Variants in NREP observed in about 807,000 individuals in gnomAD.
NREP encodes the protein neuronal regeneration related protein.
NREP carries 5 observed loss-of-function variants against 8.6 expected under a neutral mutation model. That is an observed-to-expected ratio of 0.58 (90% CI 0.30 to 1.22). The LOEUF (loss-of-function observed/expected upper bound fraction) is 1.22, where lower values mean the gene tolerates loss of function less well. Among genes scored for constraint, NREP ranks in the 50% most tolerant of loss-of-function variants. The pLI, the probability that NREP is intolerant of heterozygous loss-of-function variation, is 0.07. For synonymous variants in NREP, 27 were observed against 28.0 expected (o/e 0.96, Z 0.11); for missense variants, 86 against 82.5 (o/e 1.04, Z -0.17).
At chr5:111,961,888 A>G (rs571180985) in intron 2 of NREP, among the ~76,000 whole-genome samples, 52 of 152,246 alleles carry the variant, frequency 3.4e-4, no homozygotes, top group Non-Finnish European at 6.5e-4. Context: ...TTTTGAAATC[A>G]TGTAGAATTA....
chr5:111,793,865 C>T (rs770572035), intron 2 of NREP, among the ~76,000 whole-genome samples: 4 of 151,996 alleles, frequency 2.6e-5, no homozygotes, highest in East Asian at 1.9e-4. Flanking sequence ...TCAGGACTAG[C>T]GTGAGTAACA....
intron 2 of NREP, among the ~76,000 whole-genome samples, chr5:111,916,567 T>C (rs1414030419): frequency 6.6e-6 from 1 of 152,158 alleles, no homozygotes; most frequent in Non-Finnish European, 1.5e-5. Flanking sequence ...CCATGGGCCT[T>C]TGCGTGGTGA....
intron 2 of NREP, among the ~76,000 whole-genome samples, chr5:111,859,292 T>C (rs1753494031): frequency 6.6e-6 from 1 of 152,196 alleles, no homozygotes; most frequent in South Asian, 2.1e-4. Flanking sequence ...GAAGTAGTTA[T>C]TAGTTGTAGC....
At chr5:111,888,508 G>T (rs1581194146) in intron 2 of NREP, among the ~76,000 whole-genome samples, 1 of 152,058 alleles carries the variant, frequency 6.6e-6, no homozygotes, top group Admixed American at 6.6e-5. Flanking sequence ...AACATCATGG[G>T]GGAAACTGCC....
intron 2 of NREP, among the ~76,000 whole-genome samples, chr5:111,790,273 T>C (rs1292603295): frequency 2.7e-5 from 4 of 147,462 alleles, no homozygotes; most frequent in Non-Finnish European, 6.0e-5. Flanking sequence ...AGAACTCCCA[T>C]ACCCTACTGG....
chr5:111,926,595 C>A (rs76137198), intron 2 of NREP, among the ~76,000 whole-genome samples: 1 of 152,108 alleles, frequency 6.6e-6, no homozygotes, highest in African/African-American at 2.4e-5. Flanking sequence ...CCCCCTTGTG[C>A]AAAATAATGT....
intron 2 of NREP, among the ~76,000 whole-genome samples, chr5:111,879,309 A>G (rs1393999110): frequency 1.3e-5 from 2 of 152,242 alleles, no homozygotes; most frequent in Non-Finnish European, 2.9e-5. Flanking sequence ...TATAGCAACA[A>G]AAATGGACGA....
intron 2 of NREP, among the ~76,000 whole-genome samples, chr5:111,857,369 A>G (rs1330980537): frequency 1.3e-5 from 2 of 152,236 alleles, no homozygotes; most frequent in African/African-American, 4.8e-5. Flanking sequence ...CCAAAAGCCA[A>G]TGATAGTTCT....
In NREP at chr5:111,940,292, A is replaced by G. The variant is rs191974890; in HGVS notation, c.135+34982T>C. Among the ~76,000 whole-genome samples the G allele has an allele frequency of 6.5e-4, 99 of 152,224 alleles. 2 individuals carry two copies. The highest frequency in any genetic ancestry group is 1.9e-3 in the African/African-American group (77 of 41,572). On this transcript the variant is annotated intron_variant, in intron 2 of 3. Transcript: ENST00000395634. ...AAATATAGTTTAAGGATAGGGATAA[A>G]AGATAAAACAAAAACAGTTCTTGAA...
At chr5:111,926,460 C>A (rs1427057929) in intron 2 of NREP, among the ~76,000 whole-genome samples, 1 of 152,060 alleles carries the variant, frequency 6.6e-6, no homozygotes, top group African/African-American at 2.4e-5. Flanking sequence ...CAAAGAAAGC[C>A]TGTACATAGG....
rs1561622844 is a variant in NREP, at chr5:111,729,821, G to A, written c.*1100C>T. On this transcript the variant is annotated 3_prime_UTR_variant, in exon 4 of 4. Coordinates refer to ENST00000257435, the MANE Select transcript of NREP (RefSeq NM_004772.4). ...AAAATTGCCGAAAAAAGAATGCTCTGCCTTTTAAAAAAGTATCATGATTTT... is the reference window on the plus strand; with the variant it reads ...AAAATTGCCGAAAAAAGAATGCTCTACCTTTTAAAAAAGTATCATGATTTT... 1 of 152,568 alleles carries A rather than the reference G, an allele frequency of 6.6e-6. No homozygotes were observed. Among genetic ancestry groups the A allele is most frequent in the South Asian group, 2.1e-4 (1 of 4,830 alleles). The allele number at this position is 152,568 out of a possible 1,614,324, so 9.5% of individuals were successfully genotyped here.
chr5:111,836,926 C>CT (rs753212318), intron 2 of NREP, among the ~76,000 whole-genome samples: 1 of 152,078 alleles, frequency 6.6e-6, no homozygotes, highest in Non-Finnish European at 1.5e-5. Context: ...ACCCTAACCT[C>CT]TAAGTCTGTA....
intron 2 of NREP, among the ~76,000 whole-genome samples, chr5:111,892,189 T>C (rs1270426992): frequency 6.6e-6 from 1 of 152,138 alleles, no homozygotes; most frequent in Non-Finnish European, 1.5e-5. Flanking sequence ...GGCATATGAA[T>C]ACATTACTAT....
intron 2 of NREP, chr5:111,912,537 C>T (rs1754942189): frequency 6.6e-6 from 1 of 152,132 alleles, no homozygotes; most frequent in African/African-American, 2.4e-5. Context: ...TTTCTCTCTT[C>T]TTTGGCTCCA....
chr5:111,822,265 T>G (rs750684390), intron 2 of NREP, among the ~76,000 whole-genome samples: 1 of 152,150 alleles, frequency 6.6e-6, no homozygotes, highest in Admixed American at 6.5e-5. Flanking sequence ...AATAATGAGC[T>G]CAAGATTTGG....
intron 2 of NREP, among the ~76,000 whole-genome samples, chr5:111,843,336 A>C (rs898945626): frequency 6.6e-6 from 1 of 151,764 alleles, no homozygotes; most frequent in African/African-American, 2.4e-5. Flanking sequence ...CTGTGGAAGT[A>C]TTTAAGCTCT....
chr5:111,771,910 G>A (rs1028956699), intron 2 of NREP, among the ~76,000 whole-genome samples: 1 of 152,030 alleles, frequency 6.6e-6, no homozygotes, highest in African/African-American at 2.4e-5. Context: ...TTTAGCTAGA[G>A]AACTGAAGCA....
At chr5:111,970,894 T>A (rs1756797943) in intron 2 of NREP, among the ~76,000 whole-genome samples, 1 of 150,820 alleles carries the variant, frequency 6.6e-6, no homozygotes, top group Admixed American at 6.6e-5. Context: ...TCTCAAAACT[T>A]CATTTTTCTG....
chr5:111,761,809 G>A (rs527336772), upstream of NREP, among the ~76,000 whole-genome samples: 12 of 152,284 alleles, frequency 7.9e-5, no homozygotes, highest in South Asian at 1.9e-3. Context: ...TCTGATAATG[G>A]GCTAATAAGC....
Sources: allele counts gnomAD v4.1 joint callset (sites outside exome capture counted in the v4.1 genomes callset), GRCh38; gene constraint gnomAD v4.1.1; transcripts MANE v1.5; gene names NCBI Gene and HGNC (gene_info 2026-07-23, HGNC 2026-07-21).